PPP2R1B: variants seen among roughly 807,000 people sequenced by gnomAD.
PPP2R1B encodes protein phosphatase 2 scaffold subunit Abeta, also known as serine/threonine-protein phosphatase 2A 65 kDa regulatory subunit A beta isoform.
Under a neutral mutation model 72.7 loss-of-function variants are expected in PPP2R1B, and 58 were observed. The ratio of observed to expected loss-of-function variants is 0.80; its 90% CI spans 0.65 to 0.99. The LOEUF (loss-of-function observed/expected upper bound fraction) is 0.99, where lower values mean the gene tolerates loss of function less well. Ranked by LOEUF, PPP2R1B falls within the 50% of genes least tolerant of loss-of-function variation. The pLI is 0.00. For missense variants in PPP2R1B, 695 were observed against 733.6 expected, an observed-to-expected ratio of 0.95 and a Z score of 0.61; for synonymous variants, 256 against 264.6, an observed-to-expected ratio of 0.97 and a Z score of 0.32.
intron 3 of PPP2R1B, among the ~76,000 whole-genome samples, chr11:111,762,314 AG>A (rs782376319): frequency 1.1e-4 from 17 of 152,328 alleles, no homozygotes; most frequent in South Asian, 4.1e-4. Context: ...CTTTCCTAGA[AG>A]GTATTTCAGA....
chr11:111,761,446 A>G (rs1353260893), intron 3 of PPP2R1B, among the ~76,000 whole-genome samples: 1 of 152,244 alleles, frequency 6.6e-6, no homozygotes, highest in Non-Finnish European at 1.5e-5. Flanking sequence ...GGCACCACAA[A>G]TACAGGATAA....
At chr11:111,692,163 C>A in the PPP2R1B span, among the ~76,000 whole-genome samples, 2 of 151,356 alleles carry the variant, frequency 1.3e-5, no homozygotes, top group Non-Finnish European at 2.9e-5. Flanking sequence ...CCAGCCTGGG[C>A]AACATGGTGA....
rs1555051364 is a variant in PPP2R1B, at chr11:111,761,248, A to G, written c.307-197T>C. Reference sequence around the variant, plus strand: ...AACCCAAAGACACGACTTCTGTAGAAAAGCCAAGATCTCGTGTCCCAGATG... The same window carrying G: ...AACCCAAAGACACGACTTCTGTAGAGAAGCCAAGATCTCGTGTCCCAGATG... On this transcript the variant is annotated intron_variant, in intron 3 of 14. Transcript: ENST00000527614. 5 of 686,578 alleles carry G rather than the reference A, an allele frequency of 7.3e-6. No homozygotes were observed. In the Admixed American group the frequency reaches 1.0e-4, roughly 14 times the overall value. 42.5% of individuals were successfully genotyped at this position (686,578 alleles called of 1,614,324 possible).
chr11:111,758,137 TAAG>T (rs1945191634), intron 5 of PPP2R1B, among the ~76,000 whole-genome samples: 1 of 152,232 alleles, frequency 6.6e-6, no homozygotes, highest in African/African-American at 2.4e-5. Flanking sequence ...ACTCAAATAA[TAAG>T]ATTTTGGAAA....
At chr11:111,698,825 G>C in the PPP2R1B span, among the ~76,000 whole-genome samples, 1 of 152,224 alleles carries the variant, frequency 6.6e-6, no homozygotes, top group Non-Finnish European at 1.5e-5. Context: ...AGCAATTATT[G>C]TATGTATTTC....
At chr11:111,711,285 A>T in the PPP2R1B span, among the ~76,000 whole-genome samples, 1 of 150,772 alleles carries the variant, frequency 6.6e-6, no homozygotes, top group Admixed American at 6.6e-5. Context: ...CACCCAGCTA[A>T]TTTTTTTTTG....
chr11:111,765,343 T>A lies in PPP2R1B; in HGVS notation c.156A>T (p.Leu52=). Residue 52 remains leucine, a synonymous_variant, in exon 2 of 15, where the codon CTA becomes CTT. Transcript: ENST00000527614. The part of the protein sequence containing the change: ...NSIKKLSTIA[L]ALGVERTRSE... The stretch of plus-strand genomic sequence containing the variant: ...TTCGGGTCCTTTCTACTCCAAGTGC[T>A]AGGGCAATTGTTGATAACTTCTTAA... The A allele has an allele frequency of 6.2e-7, 1 of 1,613,762 alleles. No individual in the cohort carries two copies.
At chr11:111,712,462 A>G in the PPP2R1B span, 1 of 1,402,928 alleles carries the variant, frequency 7.1e-7, no homozygotes, top group East Asian at 2.5e-5. Context: ...GGCTTTATTG[A>G]ACTTTATCAT....
chr11:111,754,453 T>C lies in PPP2R1B; in HGVS notation c.1029+46A>G, dbSNP rs17113230. The stretch of plus-strand genomic sequence containing the variant: ...CAAACAAAAATAATGAGATTAAGGT[T>C]TACCTTCATATAAAAGAGAGTGAAA... On this transcript the variant is annotated intron_variant, in intron 8 of 14. Coordinates refer to ENST00000527614, the MANE Select transcript of PPP2R1B (RefSeq NM_002716.5). The C allele has an allele frequency of 1.6e-3, 2,513 of 1,576,044 alleles. 55 individuals carry two copies. In the African/African-American group the frequency reaches 0.031, roughly 20 times the overall value.
the PPP2R1B span, among the ~76,000 whole-genome samples, chr11:111,706,036 C>T: frequency 6.6e-6 from 1 of 152,168 alleles, no homozygotes; most frequent in Non-Finnish European, 1.5e-5. Context: ...GAAGCAGGGA[C>T]TCTGGAGCAA....
At chr11:111,736,791 G>A (rs546815457), downstream of PPP2R1B, among the ~76,000 whole-genome samples, 1 of 152,354 alleles carries the variant, frequency 6.6e-6, no homozygotes, top group African/African-American at 2.4e-5. Context: ...GAATGGGTGT[G>A]AGAATGTCAG....
Position 111,739,521 on chromosome 11 carries a change from C to T in PPP2R1B, c.*2075G>A, listed in dbSNP as rs1944449911. 1 of 985,306 alleles carries T rather than the reference C, an allele frequency of 1.0e-6. No homozygotes were observed. Among genetic ancestry groups the T allele is most frequent in the Admixed American group, 6.2e-5 (1 of 16,260 alleles). 61.0% of individuals were successfully genotyped at this position (985,306 alleles called of 1,614,324 possible). A position where few individuals can be genotyped will look rare whatever the true frequency, so the allele number is the denominator to read the frequency against. Reference sequence around the variant, plus strand: ...GACAGAGGCCCCGCTGAACCCCCGACCCATGCTTGAGAAAGCCAGGGCCCA... The same window carrying T: ...GACAGAGGCCCCGCTGAACCCCCGATCCATGCTTGAGAAAGCCAGGGCCCA... On this transcript the variant is annotated 3_prime_UTR_variant, in exon 15 of 15. Coordinates refer to ENST00000527614, the MANE Select transcript of PPP2R1B (RefSeq NM_002716.5).
chr11:111,712,076 T>C, the PPP2R1B span: 13 of 933,034 alleles, frequency 1.4e-5, 1 homozygote, highest in South Asian at 1.9e-4. Context: ...TTTCACTAAA[T>C]CTTTCTGGAG....
chr11:111,747,635 A>G (rs1307285870), intron 11 of PPP2R1B, among the ~76,000 whole-genome samples: 1 of 152,208 alleles, frequency 6.6e-6, no homozygotes, highest in Non-Finnish European at 1.5e-5. Flanking sequence ...GACACCAATT[A>G]CAGGATGGTC....
At chr11:111,717,110 C>G in the PPP2R1B span, among the ~76,000 whole-genome samples, 3 of 151,622 alleles carry the variant, frequency 2.0e-5, no homozygotes, top group South Asian at 4.2e-4. Context: ...GTCAGGAGAT[C>G]GAGACCATCC....
At position 111,765,977 on chromosome 11, in the gene PPP2R1B, G is replaced by T. The variant is rs556323764; in HGVS notation, c.114+271C>A. The T allele has an allele frequency of 1.3e-4, 74 of 559,054 alleles. 1 individual carries two copies. The highest frequency in any genetic ancestry group is 1.1e-3 in the South Asian group (71 of 64,036). The allele number at this position is 559,054 out of a possible 1,614,324, so 34.6% of individuals were successfully genotyped here. On this transcript the variant is annotated intron_variant, in intron 1 of 14. Coordinates refer to ENST00000527614, the MANE Select transcript of PPP2R1B (RefSeq NM_002716.5). ...CGGCCCGGATGGGGCGCCCAGGCGG[G>T]AAGCGGGTTCCCCGACAACCGCCCG...
downstream of PPP2R1B, among the ~76,000 whole-genome samples, chr11:111,723,284 C>T (rs548011140): frequency 6.6e-6 from 1 of 152,246 alleles, no homozygotes; most frequent in Admixed American, 6.5e-5. Context: ...TTCCTGCTCA[C>T]GTTAGTACTG....
At chr11:111,737,523 ACT>A, downstream of PPP2R1B, 1 of 1,614,130 alleles carries the variant, frequency 6.2e-7, no homozygotes, top group Non-Finnish European at 8.5e-7. Flanking sequence ...TGGGTTCTCC[ACT>A]GTCCTTCACA....
downstream of PPP2R1B, chr11:111,726,026 T>A (rs1448513215): frequency 6.6e-6 from 1 of 152,254 alleles, no homozygotes; most frequent in Non-Finnish European, 1.5e-5. Flanking sequence ...GATGATTTCG[T>A]GAAATAAAGA....
Sources: allele counts gnomAD v4.1 joint callset (sites outside exome capture counted in the v4.1 genomes callset), GRCh38; gene constraint gnomAD v4.1.1; transcripts MANE v1.5; gene names NCBI Gene and HGNC (gene_info 2026-07-23, HGNC 2026-07-21).